Variants in HS3ST3A1 observed in about 807,000 individuals in gnomAD.
HS3ST3A1 encodes the protein heparan sulfate-glucosamine 3-sulfotransferase 3A1, also known as heparan sulfate glucosamine 3-O-sulfotransferase 3A1.
Under a neutral mutation model 25.7 loss-of-function variants are expected in HS3ST3A1, and 19 were observed. The observed-to-expected ratio is 0.74, with a 90% CI of 0.52 to 1.08. HS3ST3A1 has a LOEUF of 1.08. Ranked by LOEUF, HS3ST3A1 falls within the 50% of genes least tolerant of loss-of-function variation. The probability of loss-of-function intolerance (pLI) is 0.00; values close to 1 mark genes in which losing one functional copy is unlikely to be tolerated. For synonymous variants in HS3ST3A1, 226 were observed against 278.6 expected, an observed-to-expected ratio of 0.81 and a Z score of 1.88; for missense variants, 459 against 594.3, an observed-to-expected ratio of 0.77 and a Z score of 2.37.
chr17:13,512,092 G>A (rs773037094), intron 1 of HS3ST3A1, among the ~76,000 whole-genome samples: 1 of 152,082 alleles, frequency 6.6e-6, no homozygotes, highest in Non-Finnish European at 1.5e-5. Flanking sequence ...GAGGTCAGGA[G>A]ATCGAGACCA....
chr17:13,528,033 A>G (rs554591762), intron 1 of HS3ST3A1, among the ~76,000 whole-genome samples: 1 of 152,292 alleles, frequency 6.6e-6, no homozygotes, highest in Admixed American at 6.5e-5. Context: ...GGGTGGCCAG[A>G]TACATGTATA....
chr17:13,500,029 AT>A (rs1344236334), intron 1 of HS3ST3A1, among the ~76,000 whole-genome samples: 6 of 152,090 alleles, frequency 3.9e-5, no homozygotes, highest in Non-Finnish European at 8.8e-5. Context: ...ATCTTAAATT[AT>A]TTTTTTCAAA....
chr17:13,508,103 C>A (rs948940267), intron 1 of HS3ST3A1, among the ~76,000 whole-genome samples: 1 of 151,308 alleles, frequency 6.6e-6, no homozygotes, highest in Non-Finnish European at 1.5e-5. Flanking sequence ...TTCTAAGAAC[C>A]AAATCATCAT....
At chr17:13,549,825 G>A (rs1326200779) in intron 1 of HS3ST3A1, among the ~76,000 whole-genome samples, 1 of 152,070 alleles carries the variant, frequency 6.6e-6, no homozygotes, top group Non-Finnish European at 1.5e-5. Context: ...ATTTTAGTTC[G>A]CCATAAAGAG....
chr17:13,568,038 A>G (rs12051902), intron 1 of HS3ST3A1, among the ~76,000 whole-genome samples: 7,638 of 152,242 alleles, frequency 0.05, 422 homozygotes, highest in East Asian at 0.13. Context: ...AGAGTGGATC[A>G]ATGAGGCAAA....
intron 1 of HS3ST3A1, among the ~76,000 whole-genome samples, chr17:13,502,976 C>T (rs994630315): frequency 1.3e-5 from 2 of 151,148 alleles, no homozygotes; most frequent in South Asian, 2.1e-4. Flanking sequence ...GTCAAGAGAG[C>T]GAGACCATCC....
rs1415982179 is a variant in HS3ST3A1 at position 13,600,663 on chromosome 17, A to G, written c.467T>C (p.Ile156Thr). The change falls in exon 1 of 2, where the codon ATC (isoleucine) becomes ACC (threonine). Residue 156 changes from isoleucine (I) to threonine (T), a missense_variant. Around this residue, in one of 3 missense-constraint regions of HS3ST3A1, gnomAD observed 346 missense variants for 303.9 expected, o/e 1.14. Transcript: ENST00000284110. ...GCCGCCCTTCTTCACTCCGATGATG[A>G]TGGCCTGCGGCAGCTGCTTGCTGCC... ...DEGSKQLPQAIIIGVKKGGTR... is the reference protein window; with the variant it reads ...DEGSKQLPQATIIGVKKGGTR... The G allele has an allele frequency of 1.9e-6, 3 of 1,591,530 alleles. No homozygotes were observed. The East Asian group carries it at 6.8e-5, about 36-fold the overall frequency.
chr17:13,587,470 T>C (rs1187327477), intron 1 of HS3ST3A1, among the ~76,000 whole-genome samples: 1 of 152,048 alleles, frequency 6.6e-6, no homozygotes, highest in African/African-American at 2.4e-5. Context: ...AAAATAATAA[T>C]AATCTTCAAA....
At chr17:13,507,520 G>A (rs765100185) in intron 1 of HS3ST3A1, among the ~76,000 whole-genome samples, 1 of 152,130 alleles carries the variant, frequency 6.6e-6, no homozygotes, top group Non-Finnish European at 1.5e-5. Flanking sequence ...ACATATGAGT[G>A]TTAAATGCAT....
At chr17:13,584,519 AAAGG>A (rs1359689197) in intron 1 of HS3ST3A1, among the ~76,000 whole-genome samples, 5 of 145,812 alleles carry the variant, frequency 3.4e-5, no homozygotes, top group Non-Finnish European at 7.4e-5. Flanking sequence ...AGGAAGGAAA[AAAGG>A]AAGGAAGGAA....
chr17:13,518,527 C>T, intron 1 of HS3ST3A1, among the ~76,000 whole-genome samples: 1 of 152,164 alleles, frequency 6.6e-6, no homozygotes, highest in East Asian at 1.9e-4. Flanking sequence ...CTCTCTTTAT[C>T]CCTGCCATTT....
Position 13,601,217 on chromosome 17 carries a change from G to A in HS3ST3A1, c.-88C>T, listed in dbSNP as rs981855434. On this transcript the variant is annotated 5_prime_UTR_variant, in exon 1 of 2. Transcript: ENST00000284110. ...CAGAGCATCCCCCCGGCGGGCCAGC[G>A]CGCTGGACGGAGGCCACATCGCCGT... is the stretch of plus-strand genomic sequence containing the variant. The A allele has an allele frequency of 2.5e-5, 26 of 1,029,786 alleles. No individual in the cohort carries two copies. Among genetic ancestry groups the A allele is most frequent in the Non-Finnish European group, 3.2e-5 (24 of 751,830 alleles). The allele number at this position is 1,029,786 out of a possible 1,614,324, so 63.8% of individuals were successfully genotyped here. A position where few individuals can be genotyped will look rare whatever the true frequency, so the allele number is the denominator to read the frequency against.
rs71144974 is a variant in HS3ST3A1 at position 13,556,850 on chromosome 17, TAA to T, written c.599+43679_599+43680del. Among the ~76,000 whole-genome samples the T allele has an allele frequency of 1.4e-4, 17 of 124,840 alleles. 1 individual carries two copies. Among genetic ancestry groups the T allele is most frequent in the Admixed American group, 1.7e-4 (2 of 12,010 alleles). 81.9% of individuals were successfully genotyped at this position (124,840 alleles called of 152,430 possible). A position where few individuals can be genotyped will look rare whatever the true frequency, so the allele number is the denominator to read the frequency against. On this transcript the variant is annotated intron_variant, in intron 1 of 1. Coordinates refer to ENST00000284110, the MANE Select transcript of HS3ST3A1 (RefSeq NM_006042.3). The stretch of plus-strand genomic sequence containing the variant: ...CTGGGCGAAAGAGCGAAACTCCGCC[TAA>T]AAAAAAAAAAAAAAGCAAGATGAAA...
intron 1 of HS3ST3A1, among the ~76,000 whole-genome samples, chr17:13,583,192 C>A (rs1036895770): frequency 2.6e-5 from 4 of 152,152 alleles, no homozygotes; most frequent in Admixed American, 6.5e-5. Flanking sequence ...TCTGACTCGA[C>A]CACTAAGAAA....
At chr17:13,588,487 T>C (rs1403410485) in intron 1 of HS3ST3A1, among the ~76,000 whole-genome samples, 1 of 152,186 alleles carries the variant, frequency 6.6e-6, no homozygotes, top group Non-Finnish European at 1.5e-5. Flanking sequence ...ATGACTTCCA[T>C]GTACACTAGT....
intron 1 of HS3ST3A1, among the ~76,000 whole-genome samples, chr17:13,556,289 C>T (rs8075694): frequency 0.081 from 12,358 of 151,862 alleles, 982 homozygotes; most frequent in African/African-American, 0.2. Context: ...GGGCAGATCA[C>T]GAGGTCAGGA....
At chr17:13,596,364 T>C (rs2142398313) in intron 1 of HS3ST3A1, among the ~76,000 whole-genome samples, 1 of 151,466 alleles carries the variant, frequency 6.6e-6, no homozygotes, top group African/African-American at 2.4e-5. Flanking sequence ...AATTCCATCA[T>C]TGTCCCTGCC....
intron 1 of HS3ST3A1, among the ~76,000 whole-genome samples, chr17:13,549,222 C>T (rs952935050): frequency 5.3e-5 from 8 of 152,098 alleles, no homozygotes; most frequent in Admixed American, 1.3e-4. Context: ...ACCCTCACTG[C>T]GAAGGTCTGC....
At chr17:13,517,797 G>T (rs1478926332) in intron 1 of HS3ST3A1, among the ~76,000 whole-genome samples, 1 of 152,046 alleles carries the variant, frequency 6.6e-6, no homozygotes, top group South Asian at 2.1e-4. Flanking sequence ...GATTACAGGC[G>T]CCTGCCACCA....
Sources: allele counts gnomAD v4.1 joint callset (sites outside exome capture counted in the v4.1 genomes callset), GRCh38; gene constraint gnomAD v4.1.1; regional missense constraint gnomAD v4.1.1; transcripts MANE v1.5; gene names NCBI Gene and HGNC (gene_info 2026-07-23, HGNC 2026-07-21).